Variants in NCOA7 observed in about 807,000 individuals in gnomAD.
The protein encoded by NCOA7 is nuclear receptor coactivator 7.
In NCOA7, 45 loss-of-function variants were observed where a neutral mutation model predicts 104.3. That is an observed-to-expected ratio of 0.43 (90% CI 0.34 to 0.55). The LOEUF is 0.55. Among genes scored for constraint, NCOA7 ranks in the 20% least tolerant of loss-of-function variants. NCOA7 has a pLI of 0.02. For missense variants in NCOA7, 1,041 were observed against 1,119.7 expected (o/e 0.93, Z 1.00); for synonymous variants, 398 against 402.3 (o/e 0.99, Z 0.13).
chr6:125,782,514 C>T (rs72969739), intron 1 of NCOA7, among the ~76,000 whole-genome samples: 2 of 152,160 alleles, frequency 1.3e-5, no homozygotes, highest in Non-Finnish European at 2.9e-5. Flanking sequence ...TTAATCTAGG[C>T]TACACTCTTG....
chr6:125,919,019 A>T (rs1436428510), intron 11 of NCOA7, among the ~76,000 whole-genome samples: 3 of 152,140 alleles, frequency 2.0e-5, no homozygotes, highest in Non-Finnish European at 2.9e-5. Flanking sequence ...TGGAGGGACG[A>T]TTAGGAAAAA....
At position 125,920,890 on chromosome 6, in the gene NCOA7, A is replaced by G. The variant is rs1157712407; in HGVS notation, c.2245-53A>G. 1.0e-5 allele frequency: 16 copies of G among 1,592,614 alleles called. No homozygotes were observed. The South Asian group carries it at 1.2e-4, about 12-fold the overall frequency. On this transcript the variant is annotated intron_variant, in intron 11 of 15. Coordinates refer to ENST00000392477, the MANE Select transcript of NCOA7 (RefSeq NM_181782.5). ...CCCTAGAGTGATTTTTTAAATTAGC[A>G]GTTAGAAGAAAAGCCAATAAGTTAT...
rs138435016 is a variant in NCOA7, at chr6:125,828,837, A to G, written c.50+13433A>G. 2.3e-3 allele frequency among the ~76,000 whole-genome samples: 355 copies of G among 152,272 alleles called. 1 individual carries two copies. Among genetic ancestry groups the G allele is most frequent in the African/African-American group, 8.3e-3 (344 of 41,554 alleles). Reference sequence around the variant, plus strand: ...TCATGCTGTGCCAGGAGATTTACAAATATGACCTCACTATGGTATTAGTTT... The same window carrying G: ...TCATGCTGTGCCAGGAGATTTACAAGTATGACCTCACTATGGTATTAGTTT... On this transcript the variant is annotated intron_variant, in intron 2 of 15. Transcript: ENST00000392477.
intron 5 of NCOA7, among the ~76,000 whole-genome samples, chr6:125,880,652 C>T (rs1783749760): frequency 6.6e-6 from 1 of 151,998 alleles, no homozygotes; most frequent in African/African-American, 2.4e-5. Context: ...CTCAGCCTCC[C>T]CGAGTATCTG....
At chr6:125,862,037 C>CA (rs56389001) in intron 3 of NCOA7, among the ~76,000 whole-genome samples, 3,815 of 63,532 alleles carry the variant, frequency 0.06, 397 homozygotes, top group Admixed American at 0.08. Context: ...AACTCTTTCT[C>CA]AAAAAAAAAA....
chr6:125,916,293 T>C (rs576572571), intron 11 of NCOA7, among the ~76,000 whole-genome samples: 1 of 152,244 alleles, frequency 6.6e-6, no homozygotes, highest in Non-Finnish European at 1.5e-5. Context: ...TCCCCAGCTA[T>C]GTGGAACTGT....
At chr6:125,855,308 C>A in intron 3 of NCOA7, 68 bp downstream of exon 3, 1 of 1,226,362 alleles carries the variant, frequency 8.2e-7, no homozygotes, top group Non-Finnish European at 1.2e-6. Flanking sequence ...AAAAGACTAT[C>A]ATTTGTGATT....
intron 2 of NCOA7, among the ~76,000 whole-genome samples, chr6:125,819,555 T>C (rs1777960514): frequency 6.6e-6 from 1 of 152,180 alleles, no homozygotes; most frequent in East Asian, 1.9e-4. Context: ...TTGCAAATAA[T>C]TTATATATGC....
intron 2 of NCOA7, among the ~76,000 whole-genome samples, chr6:125,853,565 A>C (rs1781302787): frequency 6.6e-6 from 1 of 152,194 alleles, no homozygotes; most frequent in African/African-American, 2.4e-5. Flanking sequence ...AATATCTAAG[A>C]ACCTGGCTGC....
At chr6:125,784,191 C>T (rs140449374) in intron 1 of NCOA7, among the ~76,000 whole-genome samples, 19 of 152,312 alleles carry the variant, frequency 1.2e-4, no homozygotes, top group East Asian at 7.7e-4. Context: ...CCTGAGTCAG[C>T]TGTCCTTCTT....
intron 1 of NCOA7, among the ~76,000 whole-genome samples, chr6:125,807,491 A>G (rs1392192931): frequency 6.6e-6 from 1 of 152,234 alleles, no homozygotes; most frequent in African/African-American, 2.4e-5. Flanking sequence ...AATTCCATAT[A>G]TGAATCTTCC....
intron 3 of NCOA7, among the ~76,000 whole-genome samples, chr6:125,857,681 C>T (rs375557248): frequency 2.0e-5 from 3 of 152,088 alleles, no homozygotes; most frequent in East Asian, 3.9e-4. Context: ...CTGCCTCAGC[C>T]TCTCGAGTAG....
chr6:125,885,438 T>C, intron 8 of NCOA7, 95 bp downstream of exon 8: 1 of 1,210,048 alleles, frequency 8.3e-7, no homozygotes, highest in South Asian at 1.6e-5. Flanking sequence ...AGGGATTGTG[T>C]AGAGGTGATT....
At chr6:125,820,349 C>A (rs1317630471) in intron 2 of NCOA7, among the ~76,000 whole-genome samples, 2 of 152,230 alleles carry the variant, frequency 1.3e-5, no homozygotes, top group South Asian at 2.1e-4. Flanking sequence ...CTTTACCTTA[C>A]ATTTCTTCAG....
At chr6:125,882,073 C>T (rs1464872687) in intron 6 of NCOA7, among the ~76,000 whole-genome samples, 2 of 152,134 alleles carry the variant, frequency 1.3e-5, no homozygotes, top group African/African-American at 4.8e-5. Flanking sequence ...AGGCAGGTCC[C>T]GAACTCCTGA....
At chr6:125,835,333 C>T (rs1779524885) in intron 2 of NCOA7, among the ~76,000 whole-genome samples, 1 of 152,048 alleles carries the variant, frequency 6.6e-6, no homozygotes, top group Non-Finnish European at 1.5e-5. Flanking sequence ...AGTCAGGAAG[C>T]TCTTTCCCCT....
intron 2 of NCOA7, among the ~76,000 whole-genome samples, chr6:125,839,146 A>G (rs574612444): frequency 8.4e-4 from 128 of 152,154 alleles, no homozygotes; most frequent in African/African-American, 3.0e-3. Flanking sequence ...GAGACAGAGT[A>G]TCACTCTGTC....
chr6:125,920,972 G>C lies in NCOA7; in HGVS notation c.2274G>C (p.Arg758Ser). 6.2e-7 allele frequency: 1 copy of C among 1,613,692 alleles called. No homozygotes were observed. Among genetic ancestry groups the C allele is most frequent in the Non-Finnish European group, 8.5e-7 (1 of 1,179,724 alleles). Residue 758 changes from arginine to serine, a missense_variant, in exon 12 of 16, where the codon AGG (arginine) becomes AGC (serine). Physicochemically the swap from Arg to Ser is moderately radical, Grantham distance 110. Around this residue, in one of 2 missense-constraint regions of NCOA7, gnomAD observed 914 missense variants for 942.7 expected, o/e 0.97. Coordinates refer to ENST00000392477, the MANE Select transcript of NCOA7 (RefSeq NM_181782.5). ...TCACTGTTGAAGAGGCAAAGCGCAGGAAGAGCACATGCAGCTACTATGAAG... is the reference window on the plus strand; with the variant it reads ...TCACTGTTGAAGAGGCAAAGCGCAGCAAGAGCACATGCAGCTACTATGAAG... ...EIITVEEAKRRKSTCSYYEDE... is the reference protein window; with the variant it reads ...EIITVEEAKRSKSTCSYYEDE...
chr6:125,785,246 G>A (rs1248861638), intron 1 of NCOA7, among the ~76,000 whole-genome samples: 1 of 152,172 alleles, frequency 6.6e-6, no homozygotes, highest in African/African-American at 2.4e-5. Flanking sequence ...GCTAAGGCAG[G>A]AGAATTGCTC....
Sources: allele counts gnomAD v4.1 joint callset (sites outside exome capture counted in the v4.1 genomes callset), GRCh38; gene constraint gnomAD v4.1.1; regional missense constraint gnomAD v4.1.1; transcripts MANE v1.5; gene names NCBI Gene and HGNC (gene_info 2026-07-23, HGNC 2026-07-21).